Variants in LGR5 observed in about 807,000 individuals in gnomAD.
The protein encoded by LGR5 is leucine-rich repeat-containing G protein-coupled receptor 5.
In LGR5, 54 loss-of-function variants were observed where a neutral mutation model predicts 76.7. The ratio of observed to expected loss-of-function variants is 0.70; its 90% confidence interval spans 0.57 to 0.88. The LOEUF is 0.88. LGR5 is among the 40% of genes least tolerant of loss of function. The probability of loss-of-function intolerance (pLI) is 0.00; values close to 1 mark genes in which losing one functional copy is unlikely to be tolerated. For synonymous variants in LGR5, 406 were observed against 421.9 expected (o/e 0.96, Z 0.46); for missense variants, 1,078 against 1,073.3 (o/e 1.00, Z -0.06).
chr12:71,454,681 C>A (rs1337218172), intron 1 of LGR5, among the ~76,000 whole-genome samples: 2 of 151,976 alleles, frequency 1.3e-5, no homozygotes, highest in Non-Finnish European at 2.9e-5. Context: ...TAGCACAGAG[C>A]TTGGTTACTG....
intron 2 of LGR5, among the ~76,000 whole-genome samples, chr12:71,508,238 A>C (rs1023481665): frequency 1.3e-5 from 2 of 152,030 alleles, no homozygotes; most frequent in Non-Finnish European, 2.9e-5. Context: ...AAAACAAACA[A>C]AAAAAATCAC....
chr12:71,559,979 A>G (rs1176985623), intron 7 of LGR5, among the ~76,000 whole-genome samples: 1 of 152,188 alleles, frequency 6.6e-6, no homozygotes, highest in Non-Finnish European at 1.5e-5. Context: ...TAGTAGTAGA[A>G]CTAAAATGGA....
chr12:71,482,195 AC>A (rs1873637611), intron 1 of LGR5, among the ~76,000 whole-genome samples: 1 of 152,142 alleles, frequency 6.6e-6, no homozygotes, highest in Non-Finnish European at 1.5e-5. Context: ...TTCTCAACCA[AC>A]TGTGATTTGA....
Position 71,523,763 on chromosome 12 carries a change from T to C in LGR5, c.285-643T>C, listed in dbSNP as rs181493780. Among the ~76,000 whole-genome samples, 201 of 152,358 alleles carry C rather than the reference T, an allele frequency of 1.3e-3. 1 individual carries two copies. The highest frequency in any genetic ancestry group is 4.7e-3 in the African/African-American group (196 of 41,588). On this transcript the variant is annotated intron_variant, in intron 2 of 17. Coordinates refer to ENST00000266674, the MANE Select transcript of LGR5 (RefSeq NM_003667.4). ...AGAAAAATATTATAAAGTAAACTTC[T>C]AAAATTTTACCAGTTAATAATGTCA...
At position 71,572,895 on chromosome 12, in the gene LGR5, C is replaced by T. The variant is rs771207881; in HGVS notation, c.1182C>T (p.Phe394=). The change falls in exon 13 of 18, where the codon TTC becomes TTT. Residue 394 remains phenylalanine, a synonymous_variant. Transcript: ENST00000266674. ...NEIYEIKVDT[F]QQLLSLRSLN... ...TCTACGAAATTAAAGTTGACACTTTCCAGCAGTTGCTTAGCCTCCGATCGC... is the reference window on the plus strand; with the variant it reads ...TCTACGAAATTAAAGTTGACACTTTTCAGCAGTTGCTTAGCCTCCGATCGC... 2 of 1,613,824 alleles carry T rather than the reference C, an allele frequency of 1.2e-6. No individual in the cohort carries two copies. Among genetic ancestry groups the T allele is most frequent in the Non-Finnish European group, 1.7e-6 (2 of 1,179,744 alleles).
intron 2 of LGR5, among the ~76,000 whole-genome samples, chr12:71,521,846 CATAAGACAA>C (rs1021202024): frequency 6.6e-6 from 1 of 152,156 alleles, no homozygotes; most frequent in African/African-American, 2.4e-5. Context: ...TTTCATGTGT[CATAAGACAA>C]GTACACACTA....
chr12:71,471,585 G>A (rs1257299009), intron 1 of LGR5, among the ~76,000 whole-genome samples: 2 of 151,920 alleles, frequency 1.3e-5, no homozygotes, highest in African/African-American at 4.8e-5. Context: ...TCACTGAATT[G>A]TAATACTTTA....
rs1873307280 is a variant in LGR5 at position 71,475,755 on chromosome 12, A to G, written c.213-28859A>G. Among the ~76,000 whole-genome samples, 3 of 152,218 alleles carry G rather than the reference A, an allele frequency of 2.0e-5. No individual in the cohort carries two copies. The South Asian group carries it at 6.2e-4, about 32-fold the overall frequency. On this transcript the variant is annotated intron_variant, in intron 1 of 17. Transcript: ENST00000266674. ...GTGATTAACAGTTTAATATAAGTAA[A>G]AAGAAAATTCTCAGAGAGTTTAGTG... is the stretch of plus-strand genomic sequence containing the variant.
chr12:71,544,313 C>CT (rs1170870938), intron 4 of LGR5, among the ~76,000 whole-genome samples: 36 of 30,346 alleles, frequency 1.2e-3, no homozygotes, highest in African/African-American at 1.9e-3. Flanking sequence ...TTTTCTTCTT[C>CT]TTCTTTTTTT....
intron 1 of LGR5, among the ~76,000 whole-genome samples, chr12:71,456,799 A>G (rs963876601): frequency 6.6e-6 from 1 of 152,202 alleles, no homozygotes; most frequent in Non-Finnish European, 1.5e-5. Context: ...GCAACAAGGA[A>G]TAGCATTCAT....
At position 71,584,348 on chromosome 12, in the gene LGR5, T is replaced by A. The variant is rs1448102284; in HGVS notation, c.2338T>A (p.Cys780Ser). Residue 780 changes from cysteine to serine, a missense_variant, in exon 18 of 18, where the codon TGC (cysteine) becomes AGC (serine). By Grantham distance (112) the Cys-to-Ser change is moderately radical. Transcript: ENST00000266674. Reference sequence around the variant, plus strand: ...GCTCTTCACCAACTGCATCCTAAACTGCCCTGTGGCTTTCTTGTCCTTCTC... The same window carrying A: ...GCTCTTCACCAACTGCATCCTAAACAGCCCTGTGGCTTTCTTGTCCTTCTC... ...LLLFTNCILN[C>S]PVAFLSFSSL... 6.2e-7 allele frequency: 1 copy of A among 1,614,256 alleles called. No homozygotes were observed. Among genetic ancestry groups the A allele is most frequent in the East Asian group, 2.2e-5 (1 of 44,892 alleles).
chr12:71,492,194 A>G (rs1273604139), intron 1 of LGR5, among the ~76,000 whole-genome samples: 1 of 152,184 alleles, frequency 6.6e-6, no homozygotes, highest in Non-Finnish European at 1.5e-5. Context: ...TTTCAACGTT[A>G]TCAACTCCCA....
chr12:71,533,512 G>A (rs1206576577), intron 3 of LGR5, among the ~76,000 whole-genome samples: 2 of 152,072 alleles, frequency 1.3e-5, no homozygotes, highest in Non-Finnish European at 2.9e-5. Context: ...AGAAACTTTG[G>A]GATGGGGCCC....
intron 6 of LGR5, 112 bp downstream of exon 6, chr12:71,556,802 T>G: frequency 1.3e-6 from 1 of 796,918 alleles, no homozygotes; most frequent in Non-Finnish European, 2.2e-6. Flanking sequence ...TGCCTAAGCT[T>G]TCAACAGATA....
At chr12:71,486,978 A>G (rs139343709) in intron 1 of LGR5, among the ~76,000 whole-genome samples, 5 of 152,322 alleles carry the variant, frequency 3.3e-5, no homozygotes, top group Admixed American at 6.5e-5. Flanking sequence ...TTAAAGAGTC[A>G]TATCTGGTCA....
intron 1 of LGR5, among the ~76,000 whole-genome samples, chr12:71,476,148 T>G (rs1328082209): frequency 6.6e-6 from 1 of 152,160 alleles, no homozygotes; most frequent in South Asian, 2.1e-4. Flanking sequence ...CCAGTTCCAG[T>G]GGTTCGCTGG....
intron 1 of LGR5, among the ~76,000 whole-genome samples, chr12:71,457,213 T>C (rs1236256470): frequency 1.3e-5 from 2 of 152,164 alleles, no homozygotes; most frequent in East Asian, 1.9e-4. Context: ...AGAACCATTG[T>C]CCAAGCCGCA....
intron 17 of LGR5, 67 bp downstream of exon 17, chr12:71,582,606 A>G: frequency 8.2e-7 from 1 of 1,218,588 alleles, no homozygotes; most frequent in Non-Finnish European, 1.2e-6. Flanking sequence ...ATGAAAAACA[A>G]TACAGCTATA....
At position 71,494,830 on chromosome 12, in the gene LGR5, A is replaced by C. The variant is rs750992684; in HGVS notation, c.213-9784A>C. On this transcript the variant is annotated intron_variant, in intron 1 of 17. Coordinates refer to ENST00000266674, the MANE Select transcript of LGR5 (RefSeq NM_003667.4). ...CCAGATCTATTCTGGAAACTAGTGC[A>C]CTAGACTGGACCTAGTCTAGTTTAT... Among the ~76,000 whole-genome samples the C allele has an allele frequency of 2.0e-5, 3 of 151,212 alleles. No individual in the cohort carries two copies. The East Asian group carries it at 5.8e-4, about 29-fold the overall frequency.
Sources: gnomAD v4.1 joint callset for allele counts (sites outside exome capture counted in the v4.1 genomes callset) on GRCh38, gnomAD v4.1.1 for gene constraint, MANE v1.5 for transcripts, NCBI Gene and HGNC (gene_info 2026-07-23, HGNC 2026-07-21) for gene names.